CCSER1: variants seen among roughly 807,000 people sequenced by gnomAD.
CCSER1 encodes serine-rich coiled-coil domain-containing protein 1.
CCSER1 carries 41 observed loss-of-function variants against 82.0 expected under a neutral mutation model. That is an observed-to-expected ratio of 0.50 (90% confidence interval 0.39 to 0.65). The LOEUF is 0.65. CCSER1 is among the 30% of genes least tolerant of loss of function. CCSER1 has a pLI of 0.00. For synonymous variants in CCSER1, 414 were observed against 383.9 expected (o/e 1.08, Z -0.92); for missense variants, 1,119 against 1,064.2 (o/e 1.05, Z -0.72).
chr4:91,326,284 A>T (rs1313192752), intron 10 of CCSER1, among the ~76,000 whole-genome samples: 1 of 152,198 alleles, frequency 6.6e-6, no homozygotes, highest in Non-Finnish European at 1.5e-5. Context: ...TACAGAAAGC[A>T]TGACTGGGAG....
chr4:90,683,284 T>A (rs1034942683), intron 6 of CCSER1, among the ~76,000 whole-genome samples: 22 of 152,086 alleles, frequency 1.4e-4, no homozygotes, highest in Admixed American at 1.3e-4. Context: ...AAAAATACAC[T>A]CATATCTAAG....
At chr4:91,184,004 G>T (rs1044319168) in intron 10 of CCSER1, among the ~76,000 whole-genome samples, 11 of 152,186 alleles carry the variant, frequency 7.2e-5, no homozygotes, top group Non-Finnish European at 1.5e-4. Context: ...GTGGCACAAT[G>T]GTAGTGTCAT....
intron 9 of CCSER1, among the ~76,000 whole-genome samples, chr4:91,076,449 A>G (rs1338714612): frequency 6.6e-6 from 1 of 152,092 alleles, no homozygotes; most frequent in African/African-American, 2.4e-5. Context: ...ATTGAAAAGT[A>G]TGTAATACAT....
chr4:91,429,162 TA>T (rs1387562973), intron 10 of CCSER1, among the ~76,000 whole-genome samples: 1 of 151,968 alleles, frequency 6.6e-6, no homozygotes, highest in Non-Finnish European at 1.5e-5. Flanking sequence ...CATCACAGAA[TA>T]AAATGTCAAT....
At chr4:90,972,001 A>G (rs1735157722) in intron 9 of CCSER1, among the ~76,000 whole-genome samples, 1 of 151,944 alleles carries the variant, frequency 6.6e-6, no homozygotes, top group Admixed American at 6.6e-5. Flanking sequence ...CCTCAACATA[A>G]CAAAGGCTGT....
intron 4 of CCSER1, among the ~76,000 whole-genome samples, chr4:90,424,090 CAA>C (rs983353518): frequency 2.4e-4 from 20 of 84,570 alleles, no homozygotes; most frequent in East Asian, 3.1e-4. Context: ...GTCTCTGTCT[CAA>C]AAAAAAAAAA....
At chr4:90,428,213 C>G (rs536275447) in intron 4 of CCSER1, among the ~76,000 whole-genome samples, 1 of 151,998 alleles carries the variant, frequency 6.6e-6, no homozygotes, top group African/African-American at 2.4e-5. Context: ...TTTCCTCCTT[C>G]TACATTACCA....
chr4:91,348,326 A>G (rs571983608), intron 10 of CCSER1, among the ~76,000 whole-genome samples: 2 of 152,244 alleles, frequency 1.3e-5, no homozygotes, highest in East Asian at 3.9e-4. Context: ...CCTGTCATAA[A>G]TTCCATTTGA....
At chr4:91,078,025 G>A (rs552879910) in intron 9 of CCSER1, among the ~76,000 whole-genome samples, 1 of 152,354 alleles carries the variant, frequency 6.6e-6, no homozygotes, top group South Asian at 2.1e-4. Context: ...GCAGGGCATA[G>A]CCGAACAAAA....
At chr4:91,459,930 A>C (rs960828523) in intron 10 of CCSER1, among the ~76,000 whole-genome samples, 1 of 152,144 alleles carries the variant, frequency 6.6e-6, no homozygotes, top group African/African-American at 2.4e-5. Context: ...TATTTGAGAT[A>C]GCCATTGACT....
chr4:90,612,450 T>C (rs1270051639), intron 5 of CCSER1, among the ~76,000 whole-genome samples: 1 of 152,142 alleles, frequency 6.6e-6, no homozygotes, highest in Non-Finnish European at 1.5e-5. Context: ...CATTAATGTG[T>C]TGGAACTACC....
intron 10 of CCSER1, among the ~76,000 whole-genome samples, chr4:91,251,995 A>C (rs1740294414): frequency 6.6e-6 from 1 of 152,204 alleles, no homozygotes; most frequent in Admixed American, 6.5e-5. Flanking sequence ...GAAGCTCAAT[A>C]AACTACAAGT....
rs190838679 is a variant in CCSER1 at position 91,092,192 on chromosome 4, G to A, written c.2217+6198G>A. 9.9e-5 allele frequency among the ~76,000 whole-genome samples: 15 copies of A among 152,208 alleles called. No homozygotes were observed. The East Asian group carries it at 1.2e-3, about 12-fold the overall frequency. ...TTCCGGAACTGTGAGGTTGGTAGGC[G>A]GCATGTAGCTTCCAAGTGAGTCCCA... On this transcript the variant is annotated intron_variant, in intron 10 of 10. Coordinates refer to ENST00000509176, the MANE Select transcript of CCSER1 (RefSeq NM_001145065.2).
At chr4:90,977,525 A>G (rs1735717107) in intron 9 of CCSER1, among the ~76,000 whole-genome samples, 2 of 151,746 alleles carry the variant, frequency 1.3e-5, no homozygotes, top group South Asian at 4.1e-4. Context: ...TTGAACATGT[A>G]TATTTGCAAT....
chr4:90,640,909 C>G lies in CCSER1; in HGVS notation c.1932+12677C>G, dbSNP rs147512320. On this transcript the variant is annotated intron_variant, in intron 6 of 10. Coordinates refer to ENST00000509176, the MANE Select transcript of CCSER1 (RefSeq NM_001145065.2). Reference sequence around the variant, plus strand: ...TTAAATTACCCAGTCCTGGGCAGTTCTTTATAGCAGTATGAAAACAGACTA... The same window carrying G: ...TTAAATTACCCAGTCCTGGGCAGTTGTTTATAGCAGTATGAAAACAGACTA... Among the ~76,000 whole-genome samples, 426 of 152,154 alleles carry G rather than the reference C, an allele frequency of 2.8e-3. 1 individual carries two copies. The highest frequency in any genetic ancestry group is 9.8e-3 in the African/African-American group (406 of 41,532).
At chr4:90,906,973 A>T (rs1725578407) in intron 8 of CCSER1, among the ~76,000 whole-genome samples, 1 of 152,160 alleles carries the variant, frequency 6.6e-6, no homozygotes, top group Non-Finnish European at 1.5e-5. Context: ...AAAGGGGGGC[A>T]ATAAATTGCA....
At chr4:91,507,783 C>G (rs1404005592) in intron 10 of CCSER1, among the ~76,000 whole-genome samples, 4 of 151,616 alleles carry the variant, frequency 2.6e-5, no homozygotes, top group Non-Finnish European at 4.4e-5. Flanking sequence ...CTTCTTTTAT[C>G]AAGGATGCTT....
chr4:91,404,197 G>T (rs562668905), intron 10 of CCSER1, among the ~76,000 whole-genome samples: 3 of 152,068 alleles, frequency 2.0e-5, no homozygotes, highest in African/African-American at 7.2e-5. Flanking sequence ...GGTGTTTATA[G>T]TATTCCCTGA....
intron 8 of CCSER1, among the ~76,000 whole-genome samples, chr4:90,897,882 T>C (rs1404179281): frequency 6.6e-6 from 1 of 152,146 alleles, no homozygotes; most frequent in Non-Finnish European, 1.5e-5. Flanking sequence ...TGAAGGTTTT[T>C]TCATATGTTT....
Sources: gnomAD v4.1 joint callset for allele counts (sites outside exome capture counted in the v4.1 genomes callset) on GRCh38, gnomAD v4.1.1 for gene constraint, MANE v1.5 for transcripts, NCBI Gene and HGNC (gene_info 2026-07-23, HGNC 2026-07-21) for gene names.